KLHL1: variants seen among roughly 807,000 people sequenced by gnomAD.
KLHL1 encodes kelch like family member 1, also known as kelch-like protein 1.
In KLHL1, 47 loss-of-function variants were observed where a neutral mutation model predicts 77.7. The ratio of observed to expected loss-of-function variants is 0.60; its 90% CI spans 0.48 to 0.77. The LOEUF (loss-of-function observed/expected upper bound fraction) is 0.77. Ranked by LOEUF, KLHL1 falls within the 30% of genes least tolerant of loss-of-function variation. KLHL1 has a pLI of 0.00. For missense variants in KLHL1, 925 were observed against 910.8 expected, an observed-to-expected ratio of 1.02 and a Z score of -0.20; for synonymous variants, 360 against 325.2, an observed-to-expected ratio of 1.11 and a Z score of -1.15.
At chr13:69,815,138 A>C (rs75065371) in intron 6 of KLHL1, among the ~76,000 whole-genome samples, 4,477 of 152,330 alleles carry the variant, frequency 0.029, 223 homozygotes, top group African/African-American at 0.1. Context: ...TACAGAAAGC[A>C]GTTATTAGAT....
chr13:69,757,827 G>T (rs982308513), intron 7 of KLHL1, among the ~76,000 whole-genome samples: 7 of 151,638 alleles, frequency 4.6e-5, no homozygotes, highest in African/African-American at 1.7e-4. Flanking sequence ...CGTGGTGGCA[G>T]GTGCCTGTAA....
At chr13:69,994,460 C>A (rs552481110) in intron 1 of KLHL1, among the ~76,000 whole-genome samples, 12 of 152,202 alleles carry the variant, frequency 7.9e-5, no homozygotes, top group Admixed American at 7.9e-4. Context: ...CAATATGATG[C>A]CTATTTTTCC....
At chr13:70,024,076 T>C (rs1288160715) in intron 1 of KLHL1, among the ~76,000 whole-genome samples, 13 of 151,900 alleles carry the variant, frequency 8.6e-5, no homozygotes, top group Admixed American at 8.5e-4. Flanking sequence ...AGATTGTTGA[T>C]ATGTTTTACG....
At chr13:70,077,953 G>T (rs1887303023) in intron 1 of KLHL1, among the ~76,000 whole-genome samples, 1 of 151,914 alleles carries the variant, frequency 6.6e-6, no homozygotes, top group Admixed American at 6.6e-5. Flanking sequence ...TTAAATAAAA[G>T]GTCAAGTAAA....
intron 7 of KLHL1, among the ~76,000 whole-genome samples, chr13:69,790,613 T>C (rs1364888697): frequency 6.6e-6 from 1 of 152,208 alleles, no homozygotes; most frequent in Non-Finnish European, 1.5e-5. Flanking sequence ...CTAAGTGTAA[T>C]GTATTTGAAA....
intron 6 of KLHL1, among the ~76,000 whole-genome samples, chr13:69,821,245 T>A (rs1454827333): frequency 6.6e-6 from 1 of 152,184 alleles, no homozygotes; most frequent in Non-Finnish European, 1.5e-5. Flanking sequence ...CATAAATTAT[T>A]ACGAGAAAAT....
intron 1 of KLHL1, among the ~76,000 whole-genome samples, chr13:70,093,888 A>G (rs1191229931): frequency 6.6e-6 from 1 of 152,168 alleles, no homozygotes; most frequent in Non-Finnish European, 1.5e-5. Context: ...TCAAGATCAT[A>G]TGCATATAAA....
At chr13:69,822,164 C>T (rs1416036344) in intron 6 of KLHL1, among the ~76,000 whole-genome samples, 2 of 147,096 alleles carry the variant, frequency 1.4e-5, no homozygotes, top group Non-Finnish European at 3.0e-5. Context: ...ACCCACTGCA[C>T]TCCAGCCTGG....
At chr13:69,835,307 T>A (rs1878942380) in intron 6 of KLHL1, among the ~76,000 whole-genome samples, 1 of 152,102 alleles carries the variant, frequency 6.6e-6, no homozygotes, top group Non-Finnish European at 1.5e-5. Flanking sequence ...ACAAAAAAAA[T>A]TATTTGCATT....
intron 5 of KLHL1, among the ~76,000 whole-genome samples, chr13:69,867,919 G>C (rs546585423): frequency 1.3e-5 from 2 of 151,638 alleles, no homozygotes; most frequent in South Asian, 2.1e-4. Flanking sequence ...GAGTTAATGG[G>C]TGCAGCACAC....
chr13:69,972,911 G>A (rs1207055832), intron 2 of KLHL1, among the ~76,000 whole-genome samples: 4 of 151,762 alleles, frequency 2.6e-5, no homozygotes, highest in Admixed American at 2.6e-4. Context: ...CAGATTAAAG[G>A]TAGCCTACCT....
At chr13:69,903,154 A>C (rs991290403) in intron 4 of KLHL1, among the ~76,000 whole-genome samples, 1 of 152,166 alleles carries the variant, frequency 6.6e-6, no homozygotes, top group African/African-American at 2.4e-5. Context: ...GGGATTGGTC[A>C]TGTACTCTAA....
intron 9 of KLHL1, among the ~76,000 whole-genome samples, chr13:69,714,382 ATTATC>A (rs767360675): frequency 5.5e-4 from 84 of 152,224 alleles, no homozygotes; most frequent in Non-Finnish European, 8.7e-4. Context: ...ACCTTTAAAA[ATTATC>A]TTAACTACTG....
At chr13:69,759,227 G>C (rs1874906470) in intron 7 of KLHL1, among the ~76,000 whole-genome samples, 1 of 152,110 alleles carries the variant, frequency 6.6e-6, no homozygotes, top group Non-Finnish European at 1.5e-5. Context: ...TCAGAATCTA[G>C]AGACTCAAAA....
intron 7 of KLHL1, among the ~76,000 whole-genome samples, chr13:69,794,104 G>C (rs2138033239): frequency 1.3e-5 from 2 of 152,232 alleles, no homozygotes; most frequent in Middle Eastern, 6.8e-3. Flanking sequence ...TCTCATTTAA[G>C]CTACCAGCTC....
chr13:69,809,399 AT>A (rs544947221), intron 6 of KLHL1, among the ~76,000 whole-genome samples: 8 of 152,148 alleles, frequency 5.3e-5, no homozygotes, highest in Non-Finnish European at 1.0e-4. Context: ...TTGAGGGCCC[AT>A]TTTTAGCATT....
chr13:69,994,317 A>G (rs1188896618), intron 1 of KLHL1, among the ~76,000 whole-genome samples: 1 of 152,116 alleles, frequency 6.6e-6, no homozygotes, highest in Non-Finnish European at 1.5e-5. Context: ...AACAAAGCCA[A>G]GAAACTTGAA....
chr13:69,868,247 A>G (rs891179943), intron 5 of KLHL1, among the ~76,000 whole-genome samples: 24 of 152,264 alleles, frequency 1.6e-4, no homozygotes, highest in African/African-American at 5.5e-4. Context: ...TTTAACTGCC[A>G]AATAAATTAA....
chr13:69,732,471 A>G (rs1259117661), intron 8 of KLHL1, among the ~76,000 whole-genome samples: 4 of 151,970 alleles, frequency 2.6e-5, no homozygotes, highest in Non-Finnish European at 5.9e-5. Context: ...CAAACTTTTT[A>G]AGCTGTTGTC....
Sources: gnomAD v4.1 joint callset for allele counts (sites outside exome capture counted in the v4.1 genomes callset) on GRCh38, gnomAD v4.1.1 for gene constraint, MANE v1.5 for transcripts, NCBI Gene and HGNC (gene_info 2026-07-23, HGNC 2026-07-21) for gene names.